Variants in G3BP1 observed in about 807,000 individuals in gnomAD.
G3BP1 encodes ras GTPase-activating protein-binding protein 1.
In G3BP1, 35 loss-of-function variants were observed where a neutral mutation model predicts 58.6. The ratio of observed to expected loss-of-function variants is 0.60; its 90% confidence interval spans 0.46 to 0.79. G3BP1 has a LOEUF of 0.79. G3BP1 is among the 30% of genes least tolerant of loss of function. The probability of loss-of-function intolerance (pLI) is 0.00; values close to 1 mark genes in which losing one functional copy is unlikely to be tolerated. For missense variants in G3BP1, 523 were observed against 580.8 expected, an observed-to-expected ratio of 0.90 and a Z score of 1.02; for synonymous variants, 191 against 195.4, an observed-to-expected ratio of 0.98 and a Z score of 0.19.
intron 1 of G3BP1, among the ~76,000 whole-genome samples, chr5:151,777,763 A>C (rs1011185594): frequency 6.6e-6 from 1 of 152,094 alleles, no homozygotes; most frequent in Non-Finnish European, 1.5e-5. Flanking sequence ...CACCACAATC[A>C]AGATTGTGAA....
intron 1 of G3BP1, among the ~76,000 whole-genome samples, chr5:151,781,301 T>C (rs1561531208): frequency 1.3e-5 from 2 of 152,228 alleles, no homozygotes; most frequent in African/African-American, 2.4e-5. Context: ...TATTAAGTTA[T>C]AACTGCATAA....
intron 1 of G3BP1, among the ~76,000 whole-genome samples, chr5:151,775,851 T>G (rs1446768721): frequency 6.6e-6 from 1 of 152,210 alleles, no homozygotes; most frequent in African/African-American, 2.4e-5. Context: ...TTCCTGAAGT[T>G]TTTTTTCTTT....
At chr5:151,784,044 G>A (rs1392389727) in intron 1 of G3BP1, among the ~76,000 whole-genome samples, 2 of 152,132 alleles carry the variant, frequency 1.3e-5, no homozygotes, top group Admixed American at 1.3e-4. Context: ...TAACAGGCGT[G>A]AGCCACCACA....
intron 4 of G3BP1, chr5:151,792,243 A>G: frequency 3.6e-6 from 1 of 279,134 alleles, no homozygotes; most frequent in Admixed American, 4.8e-5. Flanking sequence ...TAGAAATGGC[A>G]TAGTAAGAAA....
At chr5:151,795,689 C>A (rs1323284844) in intron 6 of G3BP1, 114 bp downstream of exon 6, 11 of 566,860 alleles carry the variant, frequency 1.9e-5, no homozygotes, top group Non-Finnish European at 2.9e-5. Context: ...ATAATAATTT[C>A]TCAGAAGAAT....
intron 11 of G3BP1, among the ~76,000 whole-genome samples, chr5:151,801,389 G>A (rs930474603): frequency 3.9e-5 from 6 of 152,140 alleles, no homozygotes; most frequent in African/African-American, 1.4e-4. Context: ...AGAAGAATTT[G>A]TAGAATGGAA....
Position 151,810,986 on chromosome 5 carries a change from G to C in G3BP1, c.*6895G>C, listed in dbSNP as rs1453048022. On this transcript the variant is annotated 3_prime_UTR_variant, in exon 12 of 12. Coordinates refer to ENST00000356245, the MANE Select transcript of G3BP1 (RefSeq NM_005754.3). Reference sequence around the variant, plus strand: ...TTTTATATGAAATTTTCATTTCTTTGCAAAAACTTGTTCCTTCTTTCAGTT... The same window carrying C: ...TTTTATATGAAATTTTCATTTCTTTCCAAAAACTTGTTCCTTCTTTCAGTT... 3 of 152,154 alleles carry C rather than the reference G, an allele frequency of 2.0e-5. No individual in the cohort carries two copies. The highest frequency in any genetic ancestry group is 4.4e-5 in the Non-Finnish European group (3 of 68,014). 9.4% of individuals were successfully genotyped at this position (152,154 alleles called of 1,614,324 possible).
rs186117228 is a variant in G3BP1 at position 151,776,575 on chromosome 5, T to A, written c.-50+4539T>A. On this transcript the variant is annotated intron_variant, in intron 1 of 11. Coordinates refer to ENST00000356245, the MANE Select transcript of G3BP1 (RefSeq NM_005754.3). ...CTTCGGGGTTCTAATGGTGATTTTT[T>A]TTATTTTCCTCATTCCTTCTACAGT... Among the ~76,000 whole-genome samples, 5 of 152,310 alleles carry A rather than the reference T, an allele frequency of 3.3e-5. No individual in the cohort carries two copies. The East Asian group carries it at 9.6e-4, about 29-fold the overall frequency.
At chr5:151,796,695 A>T (rs1313108106) in intron 6 of G3BP1, among the ~76,000 whole-genome samples, 5 of 152,208 alleles carry the variant, frequency 3.3e-5, no homozygotes, top group African/African-American at 1.2e-4. Context: ...TAAAAGCCAC[A>T]TATCATAAAA....
intron 2 of G3BP1, among the ~76,000 whole-genome samples, chr5:151,790,036 G>C (rs1236359708): frequency 6.6e-6 from 1 of 151,380 alleles, no homozygotes; most frequent in Non-Finnish European, 1.5e-5. Flanking sequence ...AGCCAGGCAT[G>C]GTGGCATGTG....
chr5:151,811,315 C>T lies in G3BP1; in HGVS notation c.*7224C>T, dbSNP rs1018935096. ...ATCTGTGTCTGAGTCATCTTTGTATCTTGCCTAGCACCTATCAATAAATAC... is the reference window on the plus strand; with the variant it reads ...ATCTGTGTCTGAGTCATCTTTGTATTTTGCCTAGCACCTATCAATAAATAC... On this transcript the variant is annotated 3_prime_UTR_variant, in exon 12 of 12. Coordinates refer to ENST00000356245, the MANE Select transcript of G3BP1 (RefSeq NM_005754.3). 2.0e-5 allele frequency: 3 copies of T among 152,208 alleles called. No homozygotes were observed. The highest frequency in any genetic ancestry group is 1.9e-4 in the East Asian group (1 of 5,200). The allele number at this position is 152,208 out of a possible 1,614,324, so 9.4% of individuals were successfully genotyped here.
At position 151,803,994 on chromosome 5, in the gene G3BP1, G is replaced by A. The variant is rs1022546617; in HGVS notation, c.1304G>A (p.Arg435Gln). The A allele has an allele frequency of 9.9e-6, 16 of 1,613,372 alleles. No individual in the cohort carries two copies. Among genetic ancestry groups the A allele is most frequent in the Admixed American group, 1.7e-5 (1 of 59,966 alleles). ...CGCCTTCGGGGACCTGGAGGCCCTC[G>A]AGGTGGGCTGGGTGGTGGAATGAGA... ...DNRLRGPGGP[R>Q]GGLGGGMRGP... The change falls in exon 12 of 12, where the codon CGA becomes CAA. Residue 435 changes from arginine to glutamine, a missense_variant. By Grantham distance (43) the Arg-to-Gln change is conservative. Around this residue, in one of 2 missense-constraint regions of G3BP1, gnomAD observed 125 missense variants for 181.7 expected, o/e 0.69. Transcript: ENST00000356245.
Position 151,807,550 on chromosome 5 carries a change from G to A in G3BP1, c.*3459G>A, listed in dbSNP as rs1762954794. The A allele has an allele frequency of 6.6e-6, 1 of 152,156 alleles. No homozygotes were observed. The highest frequency in any genetic ancestry group is 2.4e-5 in the African/African-American group (1 of 41,420). The allele number at this position is 152,156 out of a possible 1,614,324, so 9.4% of individuals were successfully genotyped here. Reference sequence around the variant, plus strand: ...GATTATATATGGTAACACAATAATGGTGGTTTGTTTTTAAGTTTTTTCTCA... The same window carrying A: ...GATTATATATGGTAACACAATAATGATGGTTTGTTTTTAAGTTTTTTCTCA... On this transcript the variant is annotated 3_prime_UTR_variant, in exon 12 of 12. Coordinates refer to ENST00000356245, the MANE Select transcript of G3BP1 (RefSeq NM_005754.3).
At chr5:151,790,051 T>C (rs1762623012) in intron 2 of G3BP1, among the ~76,000 whole-genome samples, 1 of 148,316 alleles carries the variant, frequency 6.7e-6, no homozygotes, top group Non-Finnish European at 1.5e-5. Context: ...CATGTGACTG[T>C]AGTTCCAGCT....
rs1428149992 is a variant in G3BP1 at position 151,806,516 on chromosome 5, C to T, written c.*2425C>T. ...GAGGTTTTGAATGATAGTATTGGAC[C>T]TAAGAAATAGGATTAGCATCATGAT... On this transcript the variant is annotated 3_prime_UTR_variant, in exon 12 of 12. Coordinates refer to ENST00000356245, the MANE Select transcript of G3BP1 (RefSeq NM_005754.3). 6.6e-6 allele frequency: 1 copy of T among 152,058 alleles called. No homozygotes were observed. Among genetic ancestry groups the T allele is most frequent in the African/African-American group, 2.4e-5 (1 of 41,382 alleles). 9.4% of individuals were successfully genotyped at this position (152,058 alleles called of 1,614,324 possible).
At chr5:151,793,288 T>C (rs1279893166) in intron 4 of G3BP1, among the ~76,000 whole-genome samples, 1 of 152,130 alleles carries the variant, frequency 6.6e-6, no homozygotes, top group Non-Finnish European at 1.5e-5. Context: ...TTTGTATTTT[T>C]AGTAGAGATG....
At chr5:151,774,525 T>C (rs1762332530) in intron 1 of G3BP1, among the ~76,000 whole-genome samples, 1 of 152,118 alleles carries the variant, frequency 6.6e-6, no homozygotes, top group South Asian at 2.1e-4. Context: ...ATATTTTTTT[T>C]CTTTATTTTT....
rs1239664975 is a variant in G3BP1 at position 151,806,772 on chromosome 5, G to C, written c.*2681G>C. 6 of 152,082 alleles carry C rather than the reference G, an allele frequency of 3.9e-5. No individual in the cohort carries two copies. The highest frequency in any genetic ancestry group is 1.4e-4 in the African/African-American group (6 of 41,400). 9.4% of individuals were successfully genotyped at this position (152,082 alleles called of 1,614,324 possible). Reference sequence around the variant, plus strand: ...GTATAGTTATTAGCTACTGAGCTTAGAACTCTTGACCCATGAGATTTTTTT... The same window carrying C: ...GTATAGTTATTAGCTACTGAGCTTACAACTCTTGACCCATGAGATTTTTTT... On this transcript the variant is annotated 3_prime_UTR_variant, in exon 12 of 12. Coordinates refer to ENST00000356245, the MANE Select transcript of G3BP1 (RefSeq NM_005754.3).
Position 151,792,370 on chromosome 5 carries a change from G to T in G3BP1, c.351+1308G>T, listed in dbSNP as rs1364262314. 2.0e-5 allele frequency among the ~76,000 whole-genome samples: 3 copies of T among 152,144 alleles called. No homozygotes were observed. The East Asian group carries it at 5.8e-4, about 29-fold the overall frequency. On this transcript the variant is annotated intron_variant, in intron 4 of 11. Transcript: ENST00000356245. The stretch of plus-strand genomic sequence containing the variant: ...GAATATGAGATAACTTTTTGTCTGT[G>T]CAAAATTACATGAAGCCAATTATAG...
Sources: gnomAD v4.1 joint callset for allele counts (sites outside exome capture counted in the v4.1 genomes callset) on GRCh38, gnomAD v4.1.1 for gene constraint, gnomAD v4.1.1 regional missense constraint, MANE v1.5 for transcripts, NCBI Gene and HGNC (gene_info 2026-07-23, HGNC 2026-07-21) for gene names.